Variants in SLC2A13 observed in about 807,000 individuals in gnomAD.
The protein encoded by SLC2A13 is solute carrier family 2 member 13.
In SLC2A13, 32 loss-of-function variants were observed where a neutral mutation model predicts 64.4. The ratio of observed to expected loss-of-function variants is 0.50; its 90% CI spans 0.37 to 0.67. SLC2A13 has a LOEUF of 0.67. SLC2A13 is among the 30% of genes least tolerant of loss of function. SLC2A13 has a pLI of 0.00. For missense variants in SLC2A13, 743 were observed against 829.2 expected (o/e 0.90, Z 1.28); for synonymous variants, 338 against 327.1 (o/e 1.03, Z -0.36).
intron 1 of SLC2A13, among the ~76,000 whole-genome samples, chr12:40,069,681 C>A (rs532464836): frequency 6.6e-6 from 1 of 151,408 alleles, no homozygotes; most frequent in Non-Finnish European, 1.5e-5. Context: ...CTACAGGAAG[C>A]GGTTTCCTTC....
At chr12:39,859,523 T>C (rs1481455587) in intron 6 of SLC2A13, among the ~76,000 whole-genome samples, 1 of 151,926 alleles carries the variant, frequency 6.6e-6, no homozygotes, top group Non-Finnish European at 1.5e-5. Flanking sequence ...TGAGAAGTTT[T>C]TGTTTGTTTG....
intron 6 of SLC2A13, among the ~76,000 whole-genome samples, chr12:39,854,622 C>T (rs1239165153): frequency 3.3e-5 from 5 of 152,156 alleles, no homozygotes; most frequent in Non-Finnish European, 7.3e-5. Context: ...CAATCTATAT[C>T]CCAAAACTCA....
intron 4 of SLC2A13, among the ~76,000 whole-genome samples, chr12:39,905,517 T>G (rs1344102066): frequency 6.6e-6 from 1 of 152,170 alleles, no homozygotes; most frequent in Non-Finnish European, 1.5e-5. Flanking sequence ...CTTTCTCATT[T>G]ACAAATATGG....
chr12:39,761,631 CAA>C (rs5797632), intron 9 of SLC2A13, among the ~76,000 whole-genome samples: 9 of 150,414 alleles, frequency 6.0e-5, no homozygotes, highest in Admixed American at 4.0e-4. Context: ...GGAATTTTGA[CAA>C]AAAAAAAATG....
chr12:39,838,076 G>A (rs1943068681), intron 6 of SLC2A13, among the ~76,000 whole-genome samples: 1 of 148,380 alleles, frequency 6.7e-6, no homozygotes, highest in African/African-American at 2.5e-5. Context: ...CAATAGCAAA[G>A]ACTTGGAACC....
intron 6 of SLC2A13, among the ~76,000 whole-genome samples, chr12:39,849,572 G>A (rs1212156628): frequency 1.3e-5 from 2 of 152,100 alleles, no homozygotes; most frequent in African/African-American, 2.4e-5. Flanking sequence ...GTGGTAAATT[G>A]TTCCTTTGTG....
chr12:39,948,778 A>G (rs991292061), intron 4 of SLC2A13, among the ~76,000 whole-genome samples: 1 of 152,168 alleles, frequency 6.6e-6, no homozygotes, highest in Non-Finnish European at 1.5e-5. Context: ...GGAAAAAAAG[A>G]GTAAAATTTT....
intron 1 of SLC2A13, among the ~76,000 whole-genome samples, chr12:40,070,730 C>T (rs916371505): frequency 2.6e-5 from 4 of 152,116 alleles, no homozygotes; most frequent in Admixed American, 6.5e-5. Context: ...ATTCAAAATG[C>T]TTTTTCTTCT....
chr12:40,085,052 G>C (rs564460281), intron 1 of SLC2A13, among the ~76,000 whole-genome samples: 12 of 152,274 alleles, frequency 7.9e-5, no homozygotes, highest in Non-Finnish European at 1.6e-4. Context: ...TCTTTAAAAG[G>C]TGAAAAGGGC....
chr12:39,839,607 G>C (rs532134472), intron 6 of SLC2A13, among the ~76,000 whole-genome samples: 1 of 151,932 alleles, frequency 6.6e-6, no homozygotes. Flanking sequence ...CCCTTGTGCT[G>C]CTTGACACTA....
chr12:39,834,297 A>C (rs1942945455), intron 6 of SLC2A13, among the ~76,000 whole-genome samples: 1 of 152,094 alleles, frequency 6.6e-6, no homozygotes, highest in Non-Finnish European at 1.5e-5. Context: ...GGGACTAGGC[A>C]TGAATTTTCT....
intron 6 of SLC2A13, among the ~76,000 whole-genome samples, chr12:39,857,483 G>T (rs181041128): frequency 6.6e-6 from 1 of 152,036 alleles, no homozygotes; most frequent in African/African-American, 2.4e-5. Context: ...AAAATATCTC[G>T]TTTCTCTATA....
chr12:40,095,052 T>C (rs1938893421), intron 1 of SLC2A13, among the ~76,000 whole-genome samples: 2 of 152,220 alleles, frequency 1.3e-5, no homozygotes, highest in African/African-American at 2.4e-5. Flanking sequence ...TTTCCTGAGA[T>C]ACATACAATA....
intron 7 of SLC2A13, among the ~76,000 whole-genome samples, chr12:39,785,693 C>T (rs769441479): frequency 5.9e-5 from 9 of 152,106 alleles, no homozygotes; most frequent in African/African-American, 9.7e-5. Context: ...TGAAAGCAGC[C>T]AGGAGGGAGG....
At chr12:39,901,080 C>A (rs1446428880) in intron 4 of SLC2A13, among the ~76,000 whole-genome samples, 19 of 152,116 alleles carry the variant, frequency 1.2e-4, no homozygotes, top group Non-Finnish European at 2.6e-4. Context: ...GAAAAACAAG[C>A]AATGGGGAAA....
At chr12:39,870,858 G>C (rs148199713) in intron 5 of SLC2A13, among the ~76,000 whole-genome samples, 207 of 152,246 alleles carry the variant, frequency 1.4e-3, no homozygotes, top group African/African-American at 4.7e-3. Flanking sequence ...CTGATAACTG[G>C]GTTTGGAACT....
At chr12:39,801,532 T>C (rs918667167) in intron 7 of SLC2A13, among the ~76,000 whole-genome samples, 2 of 152,306 alleles carry the variant, frequency 1.3e-5, no homozygotes, top group Middle Eastern at 3.4e-3. Flanking sequence ...TTGGGAAATA[T>C]TCCATTTAAG....
intron 1 of SLC2A13, among the ~76,000 whole-genome samples, chr12:40,070,166 A>AC (rs1420756103): frequency 2.6e-5 from 4 of 152,068 alleles, no homozygotes; most frequent in Non-Finnish European, 4.4e-5. Context: ...AAAAAAAAAA[A>AC]AAACTCAGAG....
intron 7 of SLC2A13, among the ~76,000 whole-genome samples, chr12:39,799,636 A>G (rs970486040): frequency 5.3e-5 from 8 of 152,238 alleles, no homozygotes; most frequent in African/African-American, 1.9e-4. Flanking sequence ...AAAAGATTGG[A>G]AAAATCAAGA....
Sources: gnomAD v4.1 joint callset for allele counts (sites outside exome capture counted in the v4.1 genomes callset) on GRCh38, gnomAD v4.1.1 for gene constraint, MANE v1.5 for transcripts, NCBI Gene and HGNC (gene_info 2026-07-23, HGNC 2026-07-21) for gene names.